The following RPS6KA2 variants were observed in gnomAD, a reference collection of about 807,000 sequenced individuals.
RPS6KA2 encodes ribosomal protein S6 kinase A2, also known as ribosomal protein S6 kinase alpha-2.
Under a neutral mutation model 91.8 loss-of-function variants are expected in RPS6KA2, and 42 were observed. The observed-to-expected ratio is 0.46, with a 90% CI of 0.36 to 0.59. The LOEUF is 0.59. RPS6KA2 is among the 20% of genes least tolerant of loss of function. The pLI is 0.00. For missense variants in RPS6KA2, 798 were observed against 978.5 expected (o/e 0.82, Z 2.46); for synonymous variants, 414 against 393.6 (o/e 1.05, Z -0.61).
At chr6:166,415,544 C>T (rs139770301) in intron 19 of RPS6KA2, among the ~76,000 whole-genome samples, 255 of 152,144 alleles carry the variant, frequency 1.7e-3, no homozygotes, top group African/African-American at 5.7e-3. Flanking sequence ...CCCTGTGAGG[C>T]GGCAGAGACC....
At position 166,448,133 on chromosome 6, in the gene RPS6KA2, T is replaced by C. The variant is rs563033695; in HGVS notation, c.1332+591A>G. ...ATTGCCAAATTGGGTTACAAAGAAT[T>C]GTTTCTCTATACTGTTCTTGACGGT... On this transcript the variant is annotated intron_variant, in intron 14 of 20. Transcript: ENST00000265678. This position sits in a 1 kb window ranked among gnomAD's most constrained non-coding sequence, Gnocchi z 4.7. Among the ~76,000 whole-genome samples, 47 of 152,236 alleles carry C rather than the reference T, an allele frequency of 3.1e-4. No homozygotes were observed. The highest frequency in any genetic ancestry group is 5.9e-4 in the Non-Finnish European group (40 of 68,046).
intron 2 of RPS6KA2, among the ~76,000 whole-genome samples, chr6:166,659,530 C>T (rs1423281015): frequency 6.6e-6 from 1 of 152,236 alleles, no homozygotes; most frequent in Non-Finnish European, 1.5e-5. Flanking sequence ...GTTTTCCAAA[C>T]AGAGGCTGTA....
chr6:166,654,705 G>T (rs1787956513), intron 2 of RPS6KA2, among the ~76,000 whole-genome samples: 1 of 152,208 alleles, frequency 6.6e-6, no homozygotes. Context: ...CAGGGCAGCT[G>T]CTCTGTAGAA....
chr6:166,491,054 C>T (rs1391932917), intron 8 of RPS6KA2, among the ~76,000 whole-genome samples: 2 of 152,152 alleles, frequency 1.3e-5, no homozygotes, highest in African/African-American at 2.4e-5. Flanking sequence ...GCAGTTTGGA[C>T]GAACACATCT....
chr6:166,769,872 C>G lies in RPS6KA2; in HGVS notation c.123+88328G>C, dbSNP rs1778419809. 2.6e-5 allele frequency among the ~76,000 whole-genome samples: 4 copies of G among 152,232 alleles called. No individual in the cohort carries two copies. The South Asian group carries it at 8.3e-4, about 32-fold the overall frequency. ...CCTCCCTGGGCAGCTCCGAGGGCCA[C>G]CCACTGCCCAGCAAGACCCCTGTGG... On this transcript the variant is annotated intron_variant, in intron 2 of 21. Transcript: ENST00000503859.
intron 1 of RPS6KA2, among the ~76,000 whole-genome samples, chr6:166,593,614 G>A (rs923290186): frequency 2.6e-5 from 4 of 151,892 alleles, no homozygotes; most frequent in African/African-American, 7.3e-5. Context: ...ATTGACGTGC[G>A]TCAAAACATT....
intron 2 of RPS6KA2, chr6:166,701,546 T>C: frequency 1.4e-6 from 2 of 1,447,952 alleles, no homozygotes; most frequent in Non-Finnish European, 1.9e-6. Context: ...GAAAGCTGCT[T>C]GATGTGCTGG....
At chr6:166,504,687 T>C in intron 5 of RPS6KA2, 75 bp from the exon 6 acceptor site, 1 of 1,068,122 alleles carries the variant, frequency 9.4e-7, no homozygotes, top group Non-Finnish European at 1.4e-6. Flanking sequence ...TAAAGAACTC[T>C]GCCAGAGAGA....
At chr6:166,580,902 C>A (rs555362193) in intron 1 of RPS6KA2, among the ~76,000 whole-genome samples, 1 of 152,256 alleles carries the variant, frequency 6.6e-6, no homozygotes, top group Admixed American at 6.5e-5. Flanking sequence ...TTTTTCTTTT[C>A]TTTTCTTTTC....
chr6:166,837,595 C>A (rs536186217), intron 2 of RPS6KA2, among the ~76,000 whole-genome samples: 1 of 152,208 alleles, frequency 6.6e-6, no homozygotes, highest in Non-Finnish European at 1.5e-5. Flanking sequence ...AGGATGGCCC[C>A]GTGGCTGGGG....
At chr6:166,503,549 G>T (rs1324656718) in intron 6 of RPS6KA2, among the ~76,000 whole-genome samples, 2 of 152,140 alleles carry the variant, frequency 1.3e-5, no homozygotes, top group African/African-American at 2.4e-5. Flanking sequence ...AGGCCGGTCG[G>T]TCCCACCAGG....
intron 19 of RPS6KA2, among the ~76,000 whole-genome samples, chr6:166,414,974 A>G (rs1472746032): frequency 6.6e-6 from 1 of 152,234 alleles, no homozygotes; most frequent in African/African-American, 2.4e-5. Flanking sequence ...CTGAGGCAGG[A>G]GAATCACTTG....
chr6:166,538,650 A>T lies in RPS6KA2; in HGVS notation c.216+18T>A. ...TGTTCAGGAATGAGACTCAAGAGAC[A>T]GCCAGGGCTGAACTTACCTTTCCAT... On this transcript the variant is annotated intron_variant, in intron 2 of 20. Coordinates refer to ENST00000265678, the MANE Select transcript of RPS6KA2 (RefSeq NM_021135.6). 7.2e-7 allele frequency: 1 copy of T among 1,385,786 alleles called. No homozygotes were observed. Among genetic ancestry groups the T allele is most frequent in the African/African-American group, 1.4e-5 (1 of 70,914 alleles). The allele number at this position is 1,385,786 out of a possible 1,614,324, so 85.8% of individuals were successfully genotyped here.
At chr6:166,438,348 CACGTGAGTACAG>C (rs1287618600) in intron 14 of RPS6KA2, among the ~76,000 whole-genome samples, 17 of 152,374 alleles carry the variant, frequency 1.1e-4, no homozygotes, top group Non-Finnish European at 2.2e-4. Context: ...TCAACGGTCT[CACGTGAGTACAG>C]ACTGGAGCCT....
chr6:166,466,074 G>A (rs1388340365), intron 11 of RPS6KA2, among the ~76,000 whole-genome samples: 3 of 152,124 alleles, frequency 2.0e-5, no homozygotes, highest in African/African-American at 4.8e-5. Context: ...CTCTCAAAAC[G>A]AAAACAAGGC....
At chr6:166,723,337 A>T (rs948826001) in intron 2 of RPS6KA2, among the ~76,000 whole-genome samples, 1 of 152,240 alleles carries the variant, frequency 6.6e-6, no homozygotes, top group African/African-American at 2.4e-5. Context: ...TGTGGGAGCG[A>T]CAGAACATGA....
intron 2 of RPS6KA2, among the ~76,000 whole-genome samples, chr6:166,725,730 G>A (rs9459729): frequency 6.6e-6 from 1 of 152,364 alleles, no homozygotes; most frequent in African/African-American, 2.4e-5. Context: ...GTGAAGCTCC[G>A]AGTTTCTGCT....
At chr6:166,507,791 A>G (rs976593508) in intron 5 of RPS6KA2, among the ~76,000 whole-genome samples, 3 of 150,296 alleles carry the variant, frequency 2.0e-5, no homozygotes, top group Admixed American at 2.0e-4. Flanking sequence ...CACACATACC[A>G]CACACTTATC....
intron 2 of RPS6KA2, among the ~76,000 whole-genome samples, chr6:166,670,037 C>T (rs887015336): frequency 9.2e-5 from 14 of 152,354 alleles, no homozygotes; most frequent in African/African-American, 2.9e-4. Context: ...GAGATGAGGG[C>T]ACTCAGGAGA....
Sources: gnomAD v4.1 joint callset for allele counts (sites outside exome capture counted in the v4.1 genomes callset) on GRCh38, gnomAD v4.1.1 for gene constraint, Gnocchi (gnomAD v3.1) non-coding constraint, MANE v1.5 for transcripts, NCBI Gene and HGNC (gene_info 2026-07-23, HGNC 2026-07-21) for gene names.